Variants in CPS1 observed in about 807,000 individuals in gnomAD.
CPS1 encodes carbamoyl-phosphate synthase [ammonia], mitochondrial.
A neutral mutation model predicts 174.6 loss-of-function variants in CPS1; 109 were observed. The ratio of observed to expected loss-of-function variants is 0.62; its 90% CI spans 0.53 to 0.73. The LOEUF is 0.73. Among genes scored for constraint, CPS1 ranks in the 30% least tolerant of loss-of-function variants. The pLI is 0.00. For missense variants in CPS1, 1,689 were observed against 1,821.9 expected (o/e 0.93, Z 1.33); for synonymous variants, 637 against 632.0 (o/e 1.01, Z -0.12).
chr2:210,570,820 C>G (rs1412462470), intron 1 of CPS1, among the ~76,000 whole-genome samples: 4 of 151,812 alleles, frequency 2.6e-5, no homozygotes, highest in African/African-American at 9.7e-5. Flanking sequence ...GAGGTTTCAC[C>G]TAATAAAACA....
chr2:210,627,474 T>G (rs1458459842), intron 21 of CPS1, among the ~76,000 whole-genome samples: 1 of 152,126 alleles, frequency 6.6e-6, no homozygotes, highest in Non-Finnish European at 1.5e-5. Flanking sequence ...GAGCTATAAT[T>G]ACAGAAGCTA....
chr2:210,545,609 T>C (rs1323335629), intron 1 of CPS1, among the ~76,000 whole-genome samples: 1 of 152,114 alleles, frequency 6.6e-6, no homozygotes, highest in Admixed American at 6.6e-5. Context: ...CATTTTGAGA[T>C]ATATTTTATC....
intron 1 of CPS1, among the ~76,000 whole-genome samples, chr2:210,509,739 CA>C (rs1404644089): frequency 6.6e-6 from 1 of 152,106 alleles, no homozygotes; most frequent in Admixed American, 6.5e-5. Flanking sequence ...CATTAGCAGA[CA>C]AACAGAGAGC....
chr2:210,565,829 A>T (rs1697282876), intron 1 of CPS1, among the ~76,000 whole-genome samples: 2 of 152,206 alleles, frequency 1.3e-5, no homozygotes, highest in South Asian at 4.1e-4. Flanking sequence ...TGGCATAAGG[A>T]CTTTGACTGA....
At chr2:210,525,624 A>G (rs1351710093) in intron 1 of CPS1, among the ~76,000 whole-genome samples, 1 of 151,414 alleles carries the variant, frequency 6.6e-6, no homozygotes, top group African/African-American at 2.4e-5. Flanking sequence ...GTGATAAGGG[A>G]CACAATAGAG....
At chr2:210,617,561 C>A (rs1469489806) in intron 21 of CPS1, 2 of 151,978 alleles carry the variant, frequency 1.3e-5, no homozygotes, top group African/African-American at 4.8e-5. Flanking sequence ...AATATGTGTA[C>A]AAACTAGGTA....
At chr2:210,490,330 CCT>C (rs2105950267) in intron 1 of CPS1, among the ~76,000 whole-genome samples, 1 of 144,372 alleles carries the variant, frequency 6.9e-6, no homozygotes, top group Non-Finnish European at 1.6e-5. Context: ...TCCCTTTTTT[CCT>C]CTTCTGCATA....
intron 1 of CPS1, among the ~76,000 whole-genome samples, chr2:210,560,852 A>G (rs1263934793): frequency 6.6e-6 from 1 of 152,154 alleles, no homozygotes; most frequent in Non-Finnish European, 1.5e-5. Context: ...TGGGGTTATC[A>G]CACACTTTTA....
In CPS1 at chr2:210,513,400, G is replaced by T. The variant is rs1170486033; in HGVS notation, c.3+35634G>T. 1.6e-4 allele frequency among the ~76,000 whole-genome samples: 25 copies of T among 151,786 alleles called. No individual in the cohort carries two copies. The South Asian group carries it at 4.2e-3, about 25-fold the overall frequency. Reference sequence around the variant, plus strand: ...CTGGTGTGAGATGGAATCTCACTGTGGTTTTGACTTGCATTTCTCTGACAG... The same window carrying T: ...CTGGTGTGAGATGGAATCTCACTGTTGTTTTGACTTGCATTTCTCTGACAG... On this transcript the variant is annotated intron_variant, in intron 1 of 38. Transcript: ENST00000430249.
At chr2:210,559,360 C>T (rs1006495542) in intron 1 of CPS1, among the ~76,000 whole-genome samples, 1 of 152,040 alleles carries the variant, frequency 6.6e-6, no homozygotes, top group African/African-American at 2.4e-5. Context: ...CTTTTCCTCT[C>T]TCTTTGATGA....
chr2:210,572,811 A>G (rs1559082842), intron 1 of CPS1, among the ~76,000 whole-genome samples: 1 of 152,078 alleles, frequency 6.6e-6, no homozygotes, highest in Non-Finnish European at 1.5e-5. Context: ...TCCATCAAAC[A>G]CAAGAGCTCT....
At chr2:210,512,598 A>G (rs917225546) in intron 1 of CPS1, among the ~76,000 whole-genome samples, 2 of 150,862 alleles carry the variant, frequency 1.3e-5, no homozygotes, top group African/African-American at 4.9e-5. Context: ...TCTTTGTTCA[A>G]TCTACCATTA....
chr2:210,638,404 T>C (rs1407573759), intron 22 of CPS1, among the ~76,000 whole-genome samples: 1 of 152,154 alleles, frequency 6.6e-6, no homozygotes, highest in Non-Finnish European at 1.5e-5. Context: ...TTTTTTCCTT[T>C]GGCCTTTAAT....
chr2:210,580,112 A>G (rs896748013), intron 5 of CPS1, among the ~76,000 whole-genome samples: 4 of 152,154 alleles, frequency 2.6e-5, no homozygotes, highest in Non-Finnish European at 5.9e-5. Context: ...AAGGTAACAA[A>G]TTGCATAACA....
At chr2:210,529,380 C>T (rs1274288051) in intron 1 of CPS1, among the ~76,000 whole-genome samples, 1 of 151,974 alleles carries the variant, frequency 6.6e-6, no homozygotes, top group Non-Finnish European at 1.5e-5. Flanking sequence ...CCAGAATAAA[C>T]CTATTTTAGA....
At position 210,597,838 on chromosome 2, in the gene CPS1, A is replaced by T. The variant is rs151044467; in HGVS notation, c.1360-1534A>T. ...TGAATACCTTCATATATATACACAC[A>T]CACACAAACATACACACACACATGC... On this transcript the variant is annotated intron_variant, in intron 13 of 37. Coordinates refer to ENST00000233072, the MANE Select transcript of CPS1 (RefSeq NM_001875.5). Among the ~76,000 whole-genome samples, 4 of 151,866 alleles carry T rather than the reference A, an allele frequency of 2.6e-5. No individual in the cohort carries two copies. The East Asian group carries it at 7.8e-4, about 30-fold the overall frequency.
intron 1 of CPS1, among the ~76,000 whole-genome samples, chr2:210,530,724 C>T (rs1334582973): frequency 6.6e-6 from 1 of 152,002 alleles, no homozygotes; most frequent in Non-Finnish European, 1.5e-5. Context: ...AATACTGCCT[C>T]TCTTTGTGCC....
At chr2:210,581,295 C>T (rs559339186) in intron 5 of CPS1, among the ~76,000 whole-genome samples, 2 of 152,136 alleles carry the variant, frequency 1.3e-5, no homozygotes, top group South Asian at 2.1e-4. Context: ...TTTACAAGAC[C>T]GCACTTGTCT....
Position 210,505,603 on chromosome 2 carries a change from G to A in CPS1, c.3+27837G>A, listed in dbSNP as rs563350026. Among the ~76,000 whole-genome samples, 9 of 152,186 alleles carry A rather than the reference G, an allele frequency of 5.9e-5. No individual in the cohort carries two copies. In the East Asian group the frequency reaches 7.8e-4, roughly 13 times the overall value. ...AAGCAGGGCGAGCATCGCCTCACCC[G>A]GGAAGCACAAGGGGTCAGGGAATTC... On this transcript the variant is annotated intron_variant, in intron 1 of 38. Coordinates refer to the CPS1 transcript ENST00000430249.
Sources: allele counts gnomAD v4.1 joint callset (sites outside exome capture counted in the v4.1 genomes callset), GRCh38; gene constraint gnomAD v4.1.1; transcripts MANE v1.5; gene names NCBI Gene and HGNC (gene_info 2026-07-23, HGNC 2026-07-21).